UMAD1: variants seen among roughly 807,000 people sequenced by gnomAD.
UMAD1 encodes UBAP1-MVB12-associated (UMA)-domain containing protein 1.
In UMAD1, 8 loss-of-function variants were observed where a neutral mutation model predicts 6.1. The ratio of observed to expected loss-of-function variants is 1.30; its 90% CI spans 0.76 to 2.35. The LOEUF (loss-of-function observed/expected upper bound fraction) is 2.35, where lower values mean the gene tolerates loss of function less well. Among genes scored for constraint, UMAD1 ranks in the 30% most tolerant of loss-of-function variants. The pLI, the probability that UMAD1 is intolerant of heterozygous loss-of-function variation, is 0.00. For synonymous variants in UMAD1, 56 were observed against 31.4 expected (o/e 1.78, Z -2.61); for missense variants, 130 against 78.4 (o/e 1.66, Z -2.49).
At chr7:7,682,858 T>A (rs1056924387) in intron 2 of UMAD1, among the ~76,000 whole-genome samples, 56 of 152,344 alleles carry the variant, frequency 3.7e-4, no homozygotes, top group Non-Finnish European at 1.5e-5. Flanking sequence ...AACTTCATGA[T>A]GTAGATGCTT....
chr7:7,761,378 A>C (rs187122319), intron 2 of UMAD1, among the ~76,000 whole-genome samples: 2 of 151,810 alleles, frequency 1.3e-5, no homozygotes, highest in East Asian at 3.9e-4. Flanking sequence ...AAAAAAAAGT[A>C]CCACTTCTTT....
chr7:7,773,160 G>T (rs1282048921), intron 2 of UMAD1, among the ~76,000 whole-genome samples: 1 of 152,092 alleles, frequency 6.6e-6, no homozygotes, highest in African/African-American at 2.4e-5. Flanking sequence ...ATAAAGAATT[G>T]CACAGTTATA....
At chr7:7,804,369 C>T (rs972017063) in intron 3 of UMAD1, among the ~76,000 whole-genome samples, 1 of 152,170 alleles carries the variant, frequency 6.6e-6, no homozygotes, top group Non-Finnish European at 1.5e-5. Flanking sequence ...TGTTATTCCT[C>T]CCCTTTAAAA....
chr7:7,761,380 C>T (rs918483077), intron 2 of UMAD1, among the ~76,000 whole-genome samples: 2 of 85,196 alleles, frequency 2.3e-5, no homozygotes, highest in African/African-American at 1.2e-4. Context: ...AAAAAAGTAC[C>T]ACTTCTTTAA....
At chr7:7,701,051 T>C (rs776468946) in intron 2 of UMAD1, among the ~76,000 whole-genome samples, 1 of 152,176 alleles carries the variant, frequency 6.6e-6, no homozygotes, top group African/African-American at 2.4e-5. Flanking sequence ...CCTTGTCTCT[T>C]AAGAAAAAGA....
chr7:7,673,205 T>G, intron 1 of UMAD1, 104 bp from the exon 2 acceptor site: 2 of 777,144 alleles, frequency 2.6e-6, no homozygotes, highest in Non-Finnish European at 4.4e-6. Flanking sequence ...ATAGAATTCC[T>G]AAGAGTAACT....
intron 2 of UMAD1, among the ~76,000 whole-genome samples, chr7:7,716,362 G>C (rs1487892515): frequency 6.6e-6 from 1 of 152,248 alleles, no homozygotes; most frequent in African/African-American, 2.4e-5. Context: ...GTGAGGCTAA[G>C]AGAGTCCTTG....
At chr7:7,737,111 A>G (rs968074630) in intron 2 of UMAD1, among the ~76,000 whole-genome samples, 2 of 152,248 alleles carry the variant, frequency 1.3e-5, no homozygotes, top group African/African-American at 4.8e-5. Context: ...TTTTGGAGAG[A>G]AAGGAGTTAA....
Position 7,659,090 on chromosome 7 carries a change from C to T in UMAD1, c.-63-14219C>T, listed in dbSNP as rs549043416. Among the ~76,000 whole-genome samples the T allele has an allele frequency of 2.9e-4, 44 of 152,214 alleles. No individual in the cohort carries two copies. In the South Asian group the frequency reaches 4.4e-3, roughly 15 times the overall value. On this transcript the variant is annotated intron_variant, in intron 1 of 3. Coordinates refer to ENST00000682710, the MANE Select transcript of UMAD1 (RefSeq NM_001302348.2). ...TCTTCTAGATTTTCTAGTTTATTTG[C>T]GTAGCTTGTTTATAGTATTCTCTGA...
chr7:7,830,447 A>G lies in UMAD1; in HGVS notation c.156+28704A>G, dbSNP rs1443798155. Among the ~76,000 whole-genome samples, 1 of 151,968 alleles carries G rather than the reference A, an allele frequency of 6.6e-6. No homozygotes were observed. The highest frequency in any genetic ancestry group is 1.5e-5 in the Non-Finnish European group (1 of 68,008). The stretch of plus-strand genomic sequence containing the variant: ...ACTATATTGATTTTTTACCTCTATT[A>G]GGTAAAAAATTATATGTTTTGGTTT... On this transcript the variant is annotated intron_variant, in intron 3 of 3. Coordinates refer to ENST00000682710, the MANE Select transcript of UMAD1 (RefSeq NM_001302348.2). The surrounding 1 kb of genome is among the most constrained non-coding windows in gnomAD (Gnocchi z 5.3).
intron 1 of UMAD1, among the ~76,000 whole-genome samples, chr7:7,660,318 T>C (rs1256916338): frequency 1.3e-5 from 2 of 152,230 alleles, no homozygotes; most frequent in Non-Finnish European, 2.9e-5. Flanking sequence ...GTTAATAATG[T>C]TATGTGTGAA....
intron 2 of UMAD1, among the ~76,000 whole-genome samples, chr7:7,751,115 T>G (rs1237341521): frequency 6.6e-6 from 1 of 152,346 alleles, no homozygotes; most frequent in African/African-American, 2.4e-5. Flanking sequence ...AATGTGAATA[T>G]AATGCTGTCA....
At chr7:7,793,578 C>T (rs921643699) in intron 2 of UMAD1, among the ~76,000 whole-genome samples, 66 of 152,294 alleles carry the variant, frequency 4.3e-4, no homozygotes, top group African/African-American at 1.3e-3. Flanking sequence ...AGGTGCCTGG[C>T]TATCTTTTTC....
At chr7:7,685,440 G>A (rs965224893) in intron 2 of UMAD1, among the ~76,000 whole-genome samples, 3 of 151,760 alleles carry the variant, frequency 2.0e-5, no homozygotes, top group South Asian at 2.1e-4. Flanking sequence ...CTTCCGAGTA[G>A]CTGGGACTAC....
chr7:7,839,982 A>T (rs1411839567), intron 3 of UMAD1, among the ~76,000 whole-genome samples: 1 of 152,208 alleles, frequency 6.6e-6, no homozygotes, highest in Non-Finnish European at 1.5e-5. Context: ...AGCTGAAAAC[A>T]TGGTCGGAAC....
At chr7:7,822,371 C>G (rs1319295044) in intron 3 of UMAD1, among the ~76,000 whole-genome samples, 1 of 151,858 alleles carries the variant, frequency 6.6e-6, no homozygotes, top group Non-Finnish European at 1.5e-5. Context: ...GTAAGTTAAT[C>G]TTGTTCCAAA....
intron 3 of UMAD1, among the ~76,000 whole-genome samples, chr7:7,831,938 C>T (rs1050965682): frequency 6.6e-6 from 1 of 152,064 alleles, no homozygotes; most frequent in Non-Finnish European, 1.5e-5. Flanking sequence ...TAACCCTTTA[C>T]CCTTTATTTT....
At chr7:7,642,110 G>T (rs536356088) in intron 1 of UMAD1, among the ~76,000 whole-genome samples, 9 of 152,102 alleles carry the variant, frequency 5.9e-5, no homozygotes, top group African/African-American at 1.9e-4. Flanking sequence ...GCATTATATA[G>T]GGGAGAGTAC....
chr7:7,741,901 C>A, intron 2 of UMAD1: 1 of 201,940 alleles, frequency 5.0e-6, no homozygotes, highest in Non-Finnish European at 1.0e-5. Flanking sequence ...TACTACTAAA[C>A]AAAAAATATT....
Sources: gnomAD v4.1 joint callset for allele counts (sites outside exome capture counted in the v4.1 genomes callset) on GRCh38, gnomAD v4.1.1 for gene constraint, Gnocchi (gnomAD v3.1) non-coding constraint, MANE v1.5 for transcripts, NCBI Gene and HGNC (gene_info 2026-07-23, HGNC 2026-07-21) for gene names.